Variants in MYZAP observed in about 807,000 individuals in gnomAD.
MYZAP encodes GRINL1A complex locus upstream.
In MYZAP, 66 loss-of-function variants were observed where a neutral mutation model predicts 69.4. The ratio of observed to expected loss-of-function variants is 0.95; its 90% CI spans 0.78 to 1.17. MYZAP has a LOEUF of 1.17. Among genes scored for constraint, MYZAP ranks in the 50% most tolerant of loss-of-function variants. MYZAP has a pLI of 0.00. For synonymous variants in MYZAP, 256 were observed against 205.9 expected (o/e 1.24, Z -2.09); for missense variants, 611 against 556.2 (o/e 1.10, Z -0.99).
intron 10 of MYZAP, chr15:57,648,526 C>G: frequency 1.0e-6 from 1 of 971,536 alleles, no homozygotes; most frequent in Non-Finnish European, 1.2e-6. Flanking sequence ...AGGTATTATT[C>G]GCCCAGTTTT....
chr15:57,623,769 T>G (rs1276375786), intron 4 of MYZAP, among the ~76,000 whole-genome samples: 2 of 148,948 alleles, frequency 1.3e-5, no homozygotes, highest in Non-Finnish European at 3.0e-5. Flanking sequence ...ATAAACGATG[T>G]ATCTCTACAA....
intron 11 of MYZAP, among the ~76,000 whole-genome samples, chr15:57,673,153 A>G (rs1489191456): frequency 6.6e-6 from 1 of 152,202 alleles, no homozygotes; most frequent in African/African-American, 2.4e-5. Context: ...CAGAGTTCCC[A>G]TGAAATAGAA....
chr15:57,592,160 G>A, intron 1 of MYZAP, 51 bp downstream of exon 1: 1 of 1,271,328 alleles, frequency 7.9e-7, no homozygotes, highest in Non-Finnish European at 9.9e-7. Context: ...CATCCCGGCC[G>A]CCCCCTCTAG....
At chr15:57,675,317 A>G (rs141704258) in intron 12 of MYZAP, among the ~76,000 whole-genome samples, 19 of 152,160 alleles carry the variant, frequency 1.2e-4, no homozygotes, top group African/African-American at 4.3e-4. Flanking sequence ...CAGTGAGTGA[A>G]TGCATTTGTT....
chr15:57,665,289 T>C (rs1335712182), intron 11 of MYZAP, among the ~76,000 whole-genome samples: 3 of 152,256 alleles, frequency 2.0e-5, no homozygotes, highest in African/African-American at 4.8e-5. Context: ...GTGAGTCTTA[T>C]AGGCTGGCAA....
intron 10 of MYZAP, among the ~76,000 whole-genome samples, chr15:57,659,790 G>C (rs1391706378): frequency 6.6e-6 from 1 of 151,996 alleles, no homozygotes; most frequent in Non-Finnish European, 1.5e-5. Context: ...TTTTGAATCT[G>C]TAAAATATGC....
chr15:57,594,748 T>C (rs193158693), intron 1 of MYZAP, among the ~76,000 whole-genome samples: 4 of 152,326 alleles, frequency 2.6e-5, no homozygotes, highest in African/African-American at 9.6e-5. Context: ...GACTACTTTA[T>C]CATGATGGCA....
At chr15:57,642,066 C>T (rs1370926508) in intron 10 of MYZAP, among the ~76,000 whole-genome samples, 1 of 152,196 alleles carries the variant, frequency 6.6e-6, no homozygotes, top group South Asian at 2.1e-4. Context: ...TCATTCACAA[C>T]AAAGAAAACA....
intron 10 of MYZAP, among the ~76,000 whole-genome samples, chr15:57,659,696 C>G (rs1285546259): frequency 1.3e-5 from 2 of 152,168 alleles, no homozygotes; most frequent in African/African-American, 2.4e-5. Flanking sequence ...ATACTTCTCA[C>G]CAATTTGATA....
chr15:57,639,333 C>T (rs1299033963), intron 9 of MYZAP, 107 bp from the exon 10 acceptor site: 54 of 1,212,806 alleles, frequency 4.5e-5, no homozygotes, highest in Middle Eastern at 2.0e-4. Flanking sequence ...AGGCATGAGC[C>T]GCCATGCTTG....
chr15:57,664,515 C>G lies in MYZAP; in HGVS notation c.1203+2982C>G, dbSNP rs922232769. On this transcript the variant is annotated intron_variant, in intron 11 of 12. Transcript: ENST00000267853. The stretch of plus-strand genomic sequence containing the variant: ...AATTGTGGATGATAGCTAATGCTGA[C>G]ACGTTGCTGCCCAACTCTCCACTTG... Among the ~76,000 whole-genome samples, 5 of 152,194 alleles carry G rather than the reference C, an allele frequency of 3.3e-5. No homozygotes were observed. In the East Asian group the frequency reaches 5.8e-4, roughly 18 times the overall value.
intron 2 of MYZAP, among the ~76,000 whole-genome samples, chr15:57,609,083 A>G (rs557650839): frequency 6.6e-6 from 1 of 152,204 alleles, no homozygotes; most frequent in Non-Finnish European, 1.5e-5. Context: ...GTATAGATAT[A>G]TATTTTTGCA....
At chr15:57,618,218 C>G in intron 3 of MYZAP, 30 bp downstream of exon 3, 1 of 1,607,970 alleles carries the variant, frequency 6.2e-7, no homozygotes, top group Non-Finnish European at 8.5e-7. Context: ...TTGCCCCCCA[C>G]CTGTATTCTT....
chr15:57,604,412 A>G lies in MYZAP; in HGVS notation c.162+57A>G, dbSNP rs2034610526. Reference sequence around the variant, plus strand: ...GTTCCAGCCTCTATACCCTTAACCCACTCTCCCATCTCCTAACCAGGCCAT... The same window carrying G: ...GTTCCAGCCTCTATACCCTTAACCCGCTCTCCCATCTCCTAACCAGGCCAT... On this transcript the variant is annotated intron_variant, in intron 2 of 12. Coordinates refer to ENST00000267853, the MANE Select transcript of MYZAP (RefSeq NM_001018100.5). 8.8e-6 allele frequency: 14 copies of G among 1,588,766 alleles called. No individual in the cohort carries two copies. In the South Asian group the frequency reaches 1.6e-4, roughly 18 times the overall value.
intron 1 of MYZAP, among the ~76,000 whole-genome samples, chr15:57,603,112 C>T (rs985733228): frequency 5.3e-5 from 8 of 151,986 alleles, no homozygotes; most frequent in South Asian, 2.1e-4. Flanking sequence ...AACCTTTATC[C>T]GATATTTCAG....
chr15:57,596,583 C>T (rs1018606817), intron 1 of MYZAP, among the ~76,000 whole-genome samples: 6 of 152,074 alleles, frequency 3.9e-5, no homozygotes, highest in South Asian at 2.1e-4. Context: ...TCTTAAAGGC[C>T]GGGGTGATCT....
At chr15:57,659,831 A>C (rs2038191230) in intron 10 of MYZAP, among the ~76,000 whole-genome samples, 1 of 152,168 alleles carries the variant, frequency 6.6e-6, no homozygotes, top group African/African-American at 2.4e-5. Context: ...AACAAGGCTT[A>C]TGTTTATTAC....
intron 12 of MYZAP, among the ~76,000 whole-genome samples, chr15:57,677,355 G>C (rs1482205919): frequency 6.6e-6 from 1 of 152,198 alleles, no homozygotes; most frequent in Non-Finnish European, 1.5e-5. Flanking sequence ...TCCCGGTCTA[G>C]TTAATCCCCA....
Position 57,604,258 on chromosome 15 carries a change from C to T in MYZAP, c.76-11C>T, listed in dbSNP as rs766416861. 5.0e-6 allele frequency: 8 copies of T among 1,613,934 alleles called. No individual in the cohort carries two copies. The highest frequency in any genetic ancestry group is 2.2e-5 in the South Asian group (2 of 91,006). ...GACTCCTAACTGGCCTCTCCTTTCC[C>T]TCTCTTCTAGGCAAATGTTTGCAGA... is the stretch of plus-strand genomic sequence containing the variant. On this transcript the variant is annotated splice_polypyrimidine_tract_variant and intron_variant, in intron 1 of 12. Transcript: ENST00000267853.
Sources: allele counts gnomAD v4.1 joint callset (sites outside exome capture counted in the v4.1 genomes callset), GRCh38; gene constraint gnomAD v4.1.1; transcripts MANE v1.5; gene names NCBI Gene and HGNC (gene_info 2026-07-23, HGNC 2026-07-21).